NT5C2: variants seen among roughly 807,000 people sequenced by gnomAD.
The protein encoded by NT5C2 is 5'-nucleotidase, cytosolic II, also known as cytosolic purine 5'-nucleotidase.
Under a neutral mutation model 76.1 loss-of-function variants are expected in NT5C2, and 58 were observed. The ratio of observed to expected loss-of-function variants is 0.76; its 90% CI spans 0.62 to 0.95. The LOEUF is 0.95. Ranked by LOEUF, NT5C2 falls within the 40% of genes least tolerant of loss-of-function variation. The pLI is 0.00. For synonymous variants in NT5C2, 229 were observed against 237.4 expected (o/e 0.96, Z 0.32); for missense variants, 478 against 690.3 (o/e 0.69, Z 3.45).
rs200320140 is a variant in NT5C2, at chr10:103,125,444, G to GA, written c.175+13961dup. 1,216 of 247,300 alleles carry GA rather than the reference G, an allele frequency of 4.9e-3. 7 individuals carry two copies. Among genetic ancestry groups the GA allele is most frequent in the African/African-American group, 0.02 (858 of 42,716 alleles). The allele number at this position is 247,300 out of a possible 1,614,324, so 15.3% of individuals were successfully genotyped here. ...TGGTGGCGTGGAAAGATGATGGAAA[G>GA]AAAAAAAAATCACTTCTTACACTCA... On this transcript the variant is annotated intron_variant, in intron 4 of 18. Transcript: ENST00000404739.
chr10:103,167,865 A>C (rs1313471969), intron 3 of NT5C2, among the ~76,000 whole-genome samples: 1 of 152,098 alleles, frequency 6.6e-6, no homozygotes, highest in Non-Finnish European at 1.5e-5. Context: ...TCCTGTGCTC[A>C]ATGAGCCATC....
In NT5C2 at chr10:103,188,997, G is replaced by C. The variant is rs192639126; in HGVS notation, c.-169+4239C>G. ...AGCCTGGGCAACAAAGTGAGACTCC[G>C]TCTCGGAAAAAAAAAAAGAGTGTGG... On this transcript the variant is annotated intron_variant, in intron 1 of 18. Transcript: ENST00000404739. Among the ~76,000 whole-genome samples the C allele has an allele frequency of 3.3e-4, 50 of 150,558 alleles. No homozygotes were observed. In the East Asian group the frequency reaches 8.0e-3, roughly 24 times the overall value.
Position 103,139,620 on chromosome 10 carries a change from T to A in NT5C2, c.102-141A>T, listed in dbSNP as rs2079990985. 6 of 592,144 alleles carry A rather than the reference T, an allele frequency of 1.0e-5. No individual in the cohort carries two copies. In the East Asian group the frequency reaches 1.8e-4, roughly 18 times the overall value. The allele number at this position is 592,144 out of a possible 1,614,324, so 36.7% of individuals were successfully genotyped here. ...AAACTTTTAAAATTATATATTAAGA[T>A]GTATAACACGACATGCTGTTTGATA... is the stretch of plus-strand genomic sequence containing the variant. On this transcript the variant is annotated intron_variant, in intron 3 of 18. Transcript: ENST00000404739.
chr10:103,115,116 T>C (rs547902181), intron 4 of NT5C2, among the ~76,000 whole-genome samples: 30 of 152,282 alleles, frequency 2.0e-4, no homozygotes, highest in African/African-American at 7.2e-4. Flanking sequence ...GAAAATAGCC[T>C]TTGGCTGGGC....
At chr10:103,137,488 TAA>T (rs747267513) in intron 4 of NT5C2, among the ~76,000 whole-genome samples, 83 of 152,258 alleles carry the variant, frequency 5.5e-4, no homozygotes, top group Non-Finnish European at 1.1e-3. Flanking sequence ...AGTACTCCCG[TAA>T]TTTCGTGTTT....
At chr10:103,161,008 CA>C (rs1207253237) in intron 3 of NT5C2, among the ~76,000 whole-genome samples, 1 of 151,004 alleles carries the variant, frequency 6.6e-6, no homozygotes, top group Non-Finnish European at 1.5e-5. Context: ...GACTCCATCT[CA>C]AAAAAAAGGC....
At chr10:103,133,244 C>T (rs1447684917) in intron 4 of NT5C2, among the ~76,000 whole-genome samples, 3 of 152,166 alleles carry the variant, frequency 2.0e-5, no homozygotes, top group African/African-American at 7.2e-5. Context: ...GGAGCCACTC[C>T]AGCCACATGG....
intron 1 of NT5C2, 133 bp downstream of exon 1, chr10:103,193,103 G>A (rs2092774695): frequency 6.6e-6 from 1 of 151,286 alleles, no homozygotes; most frequent in Admixed American, 6.6e-5. Flanking sequence ...TGGGGCCATG[G>A]TCCCTGGGGG....
chr10:103,157,901 C>T (rs777382921), intron 3 of NT5C2, among the ~76,000 whole-genome samples: 1 of 151,870 alleles, frequency 6.6e-6, no homozygotes, highest in African/African-American at 2.4e-5. Flanking sequence ...TGGGAAACCC[C>T]GTCTCTACTA....
chr10:103,090,107 C>T (rs759454268), intron 18 of NT5C2, 199 bp from the exon 19 acceptor site: 1 of 462,086 alleles, frequency 2.2e-6, no homozygotes, highest in Non-Finnish European at 3.8e-6. Context: ...AAATGGTGCC[C>T]ATATTGTCTA....
Position 103,095,920 on chromosome 10 carries a change from A to T in NT5C2, c.813+19T>A. On this transcript the variant is annotated intron_variant, in intron 12 of 18. Coordinates refer to ENST00000404739, the MANE Select transcript of NT5C2 (RefSeq NM_001351169.2). ...TTCATTGTTATTAAAGCAGTGGTCT[A>T]TTGAGTCACATACGGTACCTTGGGG... The T allele has an allele frequency of 6.2e-7, 1 of 1,601,574 alleles. No individual in the cohort carries two copies. Among genetic ancestry groups the T allele is most frequent in the Non-Finnish European group, 8.6e-7 (1 of 1,168,850 alleles).
At chr10:103,106,546 A>G (rs763681660) in intron 5 of NT5C2, 43 bp downstream of exon 5, 2 of 1,176,970 alleles carry the variant, frequency 1.7e-6, no homozygotes, top group South Asian at 2.4e-5. Flanking sequence ...TAAGGAAAGT[A>G]GTCTTAATCT....
In NT5C2 at chr10:103,158,401, T is replaced by C. The variant is rs150464574; in HGVS notation, c.101+16457A>G. Among the ~76,000 whole-genome samples, 188 of 152,152 alleles carry C rather than the reference T, an allele frequency of 1.2e-3. 1 individual carries two copies. Among genetic ancestry groups the C allele is most frequent in the African/African-American group, 4.4e-3 (182 of 41,530 alleles). ...TTACAGATTAGAGCAGAGATTTAAA[T>C]ATATATATACAAAATCTAAAGCACT... is the stretch of plus-strand genomic sequence containing the variant. On this transcript the variant is annotated intron_variant, in intron 3 of 18. Transcript: ENST00000404739.
At chr10:103,173,147 C>T (rs2088700885) in intron 3 of NT5C2, among the ~76,000 whole-genome samples, 1 of 152,088 alleles carries the variant, frequency 6.6e-6, no homozygotes, top group Non-Finnish European at 1.5e-5. Flanking sequence ...CCATGCCTGG[C>T]CTACACTTTT....
intron 4 of NT5C2, among the ~76,000 whole-genome samples, chr10:103,136,247 A>G (rs1246559945): frequency 6.6e-6 from 1 of 152,236 alleles, no homozygotes; most frequent in East Asian, 1.9e-4. Context: ...GCCTATACAT[A>G]CATGCATGCT....
intron 3 of NT5C2, among the ~76,000 whole-genome samples, chr10:103,173,567 G>A (rs1287536379): frequency 7.0e-6 from 1 of 142,386 alleles, no homozygotes; most frequent in Non-Finnish European, 1.5e-5. Context: ...CAGTGAGATC[G>A]TGCTACTGCA....
rs555604400 is a variant in NT5C2 at position 103,175,582 on chromosome 10, G to A, written c.-24-600C>T. 4.3e-5 allele frequency: 9 copies of A among 207,428 alleles called. No individual in the cohort carries two copies. The South Asian group carries it at 6.7e-4, about 16-fold the overall frequency. 12.8% of individuals were successfully genotyped at this position (207,428 alleles called of 1,614,324 possible). A position where few individuals can be genotyped will look rare whatever the true frequency, so the allele number is the denominator to read the frequency against. ...GGCAGCCAGAGCTCCAAGGCTCCTC[G>A]GAAGACGTGACCACCAAGGTTGCGG... On this transcript the variant is annotated intron_variant, in intron 2 of 18. Transcript: ENST00000404739.
chr10:103,181,323 G>T lies in NT5C2; in HGVS notation c.-163C>A, dbSNP rs2091027759. On this transcript the variant is annotated 5_prime_UTR_variant, in exon 2 of 19. Transcript: ENST00000404739. The stretch of plus-strand genomic sequence containing the variant: ...TGTACTCCAGCCTGGGCAGCAGAGC[G>T]AAACTCTGTCTCAAAAAAAAAAAAA... The T allele has an allele frequency of 7.0e-6, 1 of 143,824 alleles. No individual in the cohort carries two copies. The highest frequency in any genetic ancestry group is 1.5e-5 in the Non-Finnish European group (1 of 66,366). The allele number at this position is 143,824 out of a possible 1,614,324, so 8.9% of individuals were successfully genotyped here.
chr10:103,132,841 C>G (rs190044773), intron 4 of NT5C2, among the ~76,000 whole-genome samples: 4 of 151,888 alleles, frequency 2.6e-5, no homozygotes, highest in Non-Finnish European at 5.9e-5. Context: ...TGAGCCACCG[C>G]GCCTGGCCGC....
Sources: allele counts gnomAD v4.1 joint callset (sites outside exome capture counted in the v4.1 genomes callset), GRCh38; gene constraint gnomAD v4.1.1; transcripts MANE v1.5; gene names NCBI Gene and HGNC (gene_info 2026-07-23, HGNC 2026-07-21).